NEDD8: variants seen among roughly 807,000 people sequenced by gnomAD.
The protein encoded by NEDD8 is NEDD8 ubiquitin like modifier.
A neutral mutation model predicts 13.8 loss-of-function variants in NEDD8; 1 was observed. The ratio of observed to expected loss-of-function variants is 0.07; its 90% CI spans 0.03 to 0.34. NEDD8 has a LOEUF of 0.34. Among genes scored for constraint, NEDD8 ranks in the 10% least tolerant of loss-of-function variants. NEDD8 has a pLI of 0.99. For missense variants in NEDD8, 10 were observed against 95.2 expected (o/e 0.10, Z 3.73); for synonymous variants, 31 against 33.2 (o/e 0.93, Z 0.23).
At chr14:24,220,008 G>A (rs576586490) in intron 1 of NEDD8, among the ~76,000 whole-genome samples, 3 of 152,214 alleles carry the variant, frequency 2.0e-5, no homozygotes, top group South Asian at 2.1e-4. Context: ...GCGTGGTGGC[G>A]CATGCCTGTA....
At chr14:24,229,302 C>T (rs1218693513) in intron 1 of NEDD8, among the ~76,000 whole-genome samples, 1 of 152,228 alleles carries the variant, frequency 6.6e-6, no homozygotes, top group Non-Finnish European at 1.5e-5. Context: ...TCACTGCAAC[C>T]TCTGCCTCCC....
chr14:24,222,688 C>G (rs1445138929), intron 1 of NEDD8, among the ~76,000 whole-genome samples: 1 of 152,034 alleles, frequency 6.6e-6, no homozygotes, highest in East Asian at 1.9e-4. Flanking sequence ...TATTTTTAAA[C>G]CCAACATAGC....
At chr14:24,226,580 A>C (rs2039895141) in intron 1 of NEDD8, 1 of 152,238 alleles carries the variant, frequency 6.6e-6, no homozygotes, top group Non-Finnish European at 1.5e-5. Flanking sequence ...AATCAATTTA[A>C]GCCTTGAATG....
chr14:24,229,798 G>C (rs968462701), intron 1 of NEDD8, among the ~76,000 whole-genome samples: 2 of 152,126 alleles, frequency 1.3e-5, no homozygotes, highest in Non-Finnish European at 2.9e-5. Context: ...TCAACAGGCC[G>C]GGCGCGGTGG....
intron 1 of NEDD8, among the ~76,000 whole-genome samples, chr14:24,221,192 T>C (rs1232947258): frequency 6.6e-6 from 1 of 152,218 alleles, no homozygotes; most frequent in East Asian, 1.9e-4. Context: ...GGTGTTAATG[T>C]CCTTTCAGAG....
chr14:24,218,815 C>T (rs1420157598), intron 1 of NEDD8: 4 of 248,020 alleles, frequency 1.6e-5, no homozygotes, highest in Non-Finnish European at 3.2e-5. Flanking sequence ...GGCACAATCT[C>T]GGCTCACTGC....
intron 1 of NEDD8, among the ~76,000 whole-genome samples, chr14:24,226,015 G>A (rs1258321759): frequency 6.6e-6 from 1 of 151,444 alleles, no homozygotes; most frequent in Admixed American, 6.6e-5. Flanking sequence ...CTCCAGCCTG[G>A]GTGACAGAGT....
At chr14:24,223,950 CAG>C (rs746223163) in intron 1 of NEDD8, among the ~76,000 whole-genome samples, 4 of 151,692 alleles carry the variant, frequency 2.6e-5, no homozygotes, top group Non-Finnish European at 4.4e-5. Context: ...TTTTTTGAGA[CAG>C]AGTCTCGCTC....
intron 3 of NEDD8, chr14:24,217,739 A>C (rs2039734003): frequency 5.6e-6 from 1 of 179,698 alleles, no homozygotes; most frequent in African/African-American, 2.4e-5. Context: ...CAGTAGTATT[A>C]GCAATATAGG....
intron 1 of NEDD8, among the ~76,000 whole-genome samples, chr14:24,230,000 G>A (rs1287471770): frequency 6.6e-6 from 1 of 151,866 alleles, no homozygotes; most frequent in East Asian, 1.9e-4. Context: ...AACCCGGGAG[G>A]CGGAGGTTGC....
intron 1 of NEDD8, chr14:24,228,716 T>G (rs1164178591): frequency 2.9e-5 from 2 of 68,336 alleles, no homozygotes; most frequent in Admixed American, 2.2e-4. Context: ...TGAGAACCTG[T>G]CTCAAAAAAA....
chr14:24,231,757 C>A (rs984958037), intron 1 of NEDD8: 1 of 155,686 alleles, frequency 6.4e-6, no homozygotes, highest in Non-Finnish European at 1.4e-5. Context: ...GGGTGAGATA[C>A]CACACCTTGG....
chr14:24,217,355 T>C, intron 3 of NEDD8, 132 bp from the exon 4 acceptor site: 1 of 695,506 alleles, frequency 1.4e-6, no homozygotes, highest in Non-Finnish European at 2.4e-6. Context: ...AGTGGCACGA[T>C]CTCAGCTCAC....
In NEDD8 at chr14:24,232,209, C is replaced by T. The variant is rs918180518; in HGVS notation, c.18+41G>A. ...TCTCCCGTAAGGCACTGCTGCCAGCCCAGTACTACTGCGTCTTGGCAAGGC... is the reference window on the plus strand; with the variant it reads ...TCTCCCGTAAGGCACTGCTGCCAGCTCAGTACTACTGCGTCTTGGCAAGGC... On this transcript the variant is annotated intron_variant, in intron 1 of 3. Coordinates refer to ENST00000250495, the MANE Select transcript of NEDD8 (RefSeq NM_006156.3). 8.1e-6 allele frequency: 13 copies of T among 1,613,816 alleles called. No individual in the cohort carries two copies. In the African/African-American group the frequency reaches 1.3e-4, roughly 17 times the overall value.
chr14:24,224,882 G>A (rs1009253606), intron 1 of NEDD8, among the ~76,000 whole-genome samples: 4 of 152,222 alleles, frequency 2.6e-5, no homozygotes, highest in South Asian at 2.1e-4. Context: ...ATGGGAGCCC[G>A]TTGTGGTGTC....
At chr14:24,225,899 G>A (rs1188077729) in intron 1 of NEDD8, among the ~76,000 whole-genome samples, 1 of 152,050 alleles carries the variant, frequency 6.6e-6, no homozygotes, top group Non-Finnish European at 1.5e-5. Context: ...AAATTAGCTG[G>A]GTGTGGTGGC....
intron 3 of NEDD8, 65 bp downstream of exon 3, chr14:24,218,068 T>A: frequency 1.9e-6 from 3 of 1,606,450 alleles, no homozygotes; most frequent in Non-Finnish European, 2.6e-6. Flanking sequence ...CCTCAGTACG[T>A]GCCCCCTCTC....
chr14:24,226,736 C>T (rs957016015), intron 1 of NEDD8: 1 of 152,126 alleles, frequency 6.6e-6, no homozygotes, highest in Admixed American at 6.5e-5. Flanking sequence ...AACTGGAATG[C>T]TCATACACTG....
At chr14:24,229,906 ACT>A (rs2039961458) in intron 1 of NEDD8, among the ~76,000 whole-genome samples, 7 of 151,946 alleles carry the variant, frequency 4.6e-5, no homozygotes, top group Non-Finnish European at 1.0e-4. Context: ...CCCCGTTTCT[ACT>A]AAAAATACAA....
Sources: gnomAD v4.1 joint callset for allele counts (sites outside exome capture counted in the v4.1 genomes callset) on GRCh38, gnomAD v4.1.1 for gene constraint, MANE v1.5 for transcripts, NCBI Gene and HGNC (gene_info 2026-07-23, HGNC 2026-07-21) for gene names.